Variants in CTNNA2 observed in about 807,000 individuals in gnomAD.
The protein encoded by CTNNA2 is catenin alpha 2, also known as catenin alpha-2.
Under a neutral mutation model 101.0 loss-of-function variants are expected in CTNNA2, and 42 were observed. The ratio of observed to expected loss-of-function variants is 0.42; its 90% confidence interval spans 0.32 to 0.54. The LOEUF is 0.54. Ranked by LOEUF, CTNNA2 falls within the 20% of genes least tolerant of loss-of-function variation. The pLI is 0.14. For missense variants in CTNNA2, 871 were observed against 1,223.1 expected, an observed-to-expected ratio of 0.71 and a Z score of 4.29; for synonymous variants, 450 against 456.4, an observed-to-expected ratio of 0.99 and a Z score of 0.18.
chr2:80,481,866 T>C (rs953746027), intron 9 of CTNNA2, among the ~76,000 whole-genome samples: 5 of 152,104 alleles, frequency 3.3e-5, no homozygotes, highest in Admixed American at 6.6e-5. Context: ...AAGGACTTCA[T>C]GCCTTCCACA....
chr2:80,130,173 C>G (rs1427944892), intron 7 of CTNNA2, among the ~76,000 whole-genome samples: 1 of 152,244 alleles, frequency 6.6e-6, no homozygotes, highest in East Asian at 1.9e-4. Flanking sequence ...TAGTCAAGCT[C>G]TGCTGTTTTA....
rs1292579484 is a variant in CTNNA2, at chr2:80,108,764, G to A, written c.1056+198967G>A. 3.3e-5 allele frequency among the ~76,000 whole-genome samples: 5 copies of A among 152,248 alleles called. 1 individual carries two copies. The highest frequency in any genetic ancestry group is 6.8e-3 in the Middle Eastern group (2 of 294). On this transcript the variant is annotated intron_variant, in intron 7 of 18. Coordinates refer to ENST00000402739, the MANE Select transcript of CTNNA2 (RefSeq NM_001282597.3). ...TATGGCAGAAAGACACCTCAAAATG[G>A]GATCTGACCTCTTCAAACCCTACAC... is the stretch of plus-strand genomic sequence containing the variant.
intron 6 of CTNNA2, among the ~76,000 whole-genome samples, chr2:79,887,071 C>G (rs1023604869): frequency 6.6e-6 from 1 of 152,092 alleles, no homozygotes; most frequent in Admixed American, 6.5e-5. Flanking sequence ...CCCAACTCAG[C>G]TTCCCAAAAT....
rs1189766588 is a variant in CTNNA2 at position 80,381,250 on chromosome 2, A to G, written c.1057-11961A>G. 2.0e-5 allele frequency among the ~76,000 whole-genome samples: 3 copies of G among 151,762 alleles called. No homozygotes were observed. The East Asian group carries it at 5.9e-4, about 30-fold the overall frequency. On this transcript the variant is annotated intron_variant, in intron 7 of 18. Transcript: ENST00000402739. Reference sequence around the variant, plus strand: ...TCGAGGAAGAGCACAGAGCTTGATAAGCTTCACCCAAAGCAAGCAAAAGAC... The same window carrying G: ...TCGAGGAAGAGCACAGAGCTTGATAGGCTTCACCCAAAGCAAGCAAAAGAC...
chr2:79,596,728 CTA>C (rs1677215465), intron 1 of CTNNA2, among the ~76,000 whole-genome samples: 1 of 152,226 alleles, frequency 6.6e-6, no homozygotes, highest in Non-Finnish European at 1.5e-5. Flanking sequence ...CCATTTCTCT[CTA>C]AAACTCCTTC....
intron 6 of CTNNA2, among the ~76,000 whole-genome samples, chr2:79,907,017 G>A (rs989570316): frequency 2.0e-5 from 3 of 152,128 alleles, no homozygotes; most frequent in African/African-American, 7.2e-5. Flanking sequence ...CAGAGAAACT[G>A]TTTTACAATT....
chr2:79,986,101 A>C (rs1177325072), intron 7 of CTNNA2, among the ~76,000 whole-genome samples: 3 of 152,214 alleles, frequency 2.0e-5, no homozygotes, highest in Non-Finnish European at 4.4e-5. Context: ...CTTTTGCCAA[A>C]ATTTTAACAA....
chr2:80,032,978 C>T (rs1165184235), intron 7 of CTNNA2, among the ~76,000 whole-genome samples: 2 of 151,774 alleles, frequency 1.3e-5, no homozygotes, highest in Admixed American at 6.6e-5. Flanking sequence ...TGGTGAAACC[C>T]CATCTCTACC....
At chr2:80,060,538 G>C (rs1475455487) in intron 7 of CTNNA2, among the ~76,000 whole-genome samples, 1 of 152,130 alleles carries the variant, frequency 6.6e-6, no homozygotes, top group Non-Finnish European at 1.5e-5. Context: ...CTCCTCGCGT[G>C]CCTACCTCTC....
At chr2:79,942,316 AGATGGCAGAGAT>A (rs1368535567) in intron 7 of CTNNA2, among the ~76,000 whole-genome samples, 1 of 152,212 alleles carries the variant, frequency 6.6e-6, no homozygotes, top group Non-Finnish European at 1.5e-5. Context: ...CACATCTGGT[AGATGGCAGAGAT>A]GATCAGGTTA....
At chr2:80,449,996 A>G (rs1486929591) in intron 9 of CTNNA2, among the ~76,000 whole-genome samples, 1 of 152,232 alleles carries the variant, frequency 6.6e-6, no homozygotes, top group Non-Finnish European at 1.5e-5. Context: ...GAATAAATTG[A>G]TTATTCAAGG....
At chr2:79,540,402 C>T (rs1673334490) in intron 1 of CTNNA2, among the ~76,000 whole-genome samples, 1 of 152,206 alleles carries the variant, frequency 6.6e-6, no homozygotes, top group African/African-American at 2.4e-5. Context: ...TAAACAGTGT[C>T]TGGCACCGAG....
chr2:79,446,995 A>T (rs763022058), intron 4 of CTNNA2, among the ~76,000 whole-genome samples: 2 of 152,042 alleles, frequency 1.3e-5, no homozygotes, highest in Non-Finnish European at 2.9e-5. Flanking sequence ...TTTGATAAAT[A>T]ATGGCCTGAA....
intron 9 of CTNNA2, among the ~76,000 whole-genome samples, chr2:80,525,460 C>T (rs1009722371): frequency 3.3e-5 from 5 of 152,038 alleles, no homozygotes; most frequent in East Asian, 1.9e-4. Context: ...TCAAGTTCAG[C>T]GACTCTGAAT....
At position 80,302,452 on chromosome 2, in the gene CTNNA2, G is replaced by A; in HGVS notation, c.1057-90759G>A. ...CAAAGCACTGTCTGAGCTGCCTGAGGCTGGCTGGGAAACACTTCCAGGACA... is the reference window on the plus strand; with the variant it reads ...CAAAGCACTGTCTGAGCTGCCTGAGACTGGCTGGGAAACACTTCCAGGACA... On this transcript the variant is annotated intron_variant, in intron 7 of 18. Coordinates refer to ENST00000402739, the MANE Select transcript of CTNNA2 (RefSeq NM_001282597.3). This position sits in a 1 kb window ranked among gnomAD's most constrained non-coding sequence, Gnocchi z 6.4. 3 of 1,614,204 alleles carry A rather than the reference G, an allele frequency of 1.9e-6. No individual in the cohort carries two copies. Among genetic ancestry groups the A allele is most frequent in the Non-Finnish European group, 1.7e-6 (2 of 1,180,042 alleles).
intron 2 of CTNNA2, among the ~76,000 whole-genome samples, chr2:79,730,877 A>T (rs1395291096): frequency 6.6e-6 from 1 of 152,022 alleles, no homozygotes; most frequent in Non-Finnish European, 1.5e-5. Context: ...AAACAAATTT[A>T]GTGGTTACTA....
At chr2:79,930,632 T>C (rs1254302008) in intron 7 of CTNNA2, among the ~76,000 whole-genome samples, 1 of 152,200 alleles carries the variant, frequency 6.6e-6, no homozygotes, top group Non-Finnish European at 1.5e-5. Flanking sequence ...TGTCAATTAA[T>C]GATAATGATT....
chr2:80,040,575 G>A (rs561797984), intron 7 of CTNNA2, among the ~76,000 whole-genome samples: 12 of 152,114 alleles, frequency 7.9e-5, no homozygotes, highest in Admixed American at 2.6e-4. Context: ...TGTTGGGCCC[G>A]GGTTGGTACT....
intron 2 of CTNNA2, among the ~76,000 whole-genome samples, chr2:79,707,791 A>G (rs959561199): frequency 6.6e-6 from 1 of 152,140 alleles, no homozygotes; most frequent in East Asian, 1.9e-4. Flanking sequence ...GTGGAAATAG[A>G]TATCTTGCAG....
Sources: gnomAD v4.1 joint callset for allele counts (sites outside exome capture counted in the v4.1 genomes callset) on GRCh38, gnomAD v4.1.1 for gene constraint, Gnocchi (gnomAD v3.1) non-coding constraint, MANE v1.5 for transcripts, NCBI Gene and HGNC (gene_info 2026-07-23, HGNC 2026-07-21) for gene names.